ZRANB3: variants seen among roughly 807,000 people sequenced by gnomAD.
ZRANB3 encodes the protein zinc finger RANBP2-type containing 3.
ZRANB3 carries 125 observed loss-of-function variants against 133.8 expected under a neutral mutation model. The ratio of observed to expected loss-of-function variants is 0.93; its 90% CI spans 0.81 to 1.08. The LOEUF (loss-of-function observed/expected upper bound fraction) is 1.08. ZRANB3 is among the 50% of genes least tolerant of loss of function. The pLI, the probability that ZRANB3 is intolerant of heterozygous loss-of-function variation, is 0.00. For missense variants in ZRANB3, 1,229 were observed against 1,275.5 expected, an observed-to-expected ratio of 0.96 and a Z score of 0.56; for synonymous variants, 387 against 432.7, an observed-to-expected ratio of 0.89 and a Z score of 1.31.
At chr2:135,492,281 A>T (rs925146753) in intron 2 of ZRANB3, among the ~76,000 whole-genome samples, 8 of 152,248 alleles carry the variant, frequency 5.3e-5, no homozygotes, top group African/African-American at 1.9e-4. Flanking sequence ...ACAAAGTGAA[A>T]CCTAACCTTG....
intron 8 of ZRANB3, among the ~76,000 whole-genome samples, chr2:135,281,652 G>A (rs1376272154): frequency 3.3e-5 from 5 of 152,180 alleles, no homozygotes; most frequent in Admixed American, 3.3e-4. Context: ...ACAGAAGACA[G>A]AAGAACCTGG....
chr2:135,510,704 T>A (rs1693413974), intron 1 of ZRANB3: 2 of 797,068 alleles, frequency 2.5e-6, no homozygotes, highest in Non-Finnish European at 4.6e-6. Flanking sequence ...GCAGCTCGAG[T>A]CTTCTTCTCT....
chr2:135,274,266 G>A (rs774570248), intron 9 of ZRANB3, among the ~76,000 whole-genome samples: 1 of 152,242 alleles, frequency 6.6e-6, no homozygotes, highest in Non-Finnish European at 1.5e-5. Context: ...GTAGACCTAA[G>A]AAGATGCAGT....
At chr2:135,420,815 A>G (rs962134662) in intron 2 of ZRANB3, among the ~76,000 whole-genome samples, 2 of 152,158 alleles carry the variant, frequency 1.3e-5, no homozygotes, top group Non-Finnish European at 2.9e-5. Context: ...ATAGAAAAAG[A>G]TGTTTTTATG....
intron 2 of ZRANB3, among the ~76,000 whole-genome samples, chr2:135,443,477 A>G (rs1297675588): frequency 6.6e-6 from 1 of 152,100 alleles, no homozygotes; most frequent in Non-Finnish European, 1.5e-5. Flanking sequence ...GCACATATAT[A>G]CCTATGTAAC....
intron 6 of ZRANB3, among the ~76,000 whole-genome samples, chr2:135,334,179 A>G (rs1684273665): frequency 6.6e-6 from 1 of 152,200 alleles, no homozygotes; most frequent in Non-Finnish European, 1.5e-5. Flanking sequence ...AGCATGTAAG[A>G]GGCATCCTAA....
chr2:135,283,436 C>T (rs1467583149), intron 8 of ZRANB3, among the ~76,000 whole-genome samples: 1 of 151,752 alleles, frequency 6.6e-6, no homozygotes, highest in Non-Finnish European at 1.5e-5. Flanking sequence ...TGGTGAAACC[C>T]CATCTCTACT....
Position 135,228,019 on chromosome 2 carries a change from TTAAAA to T in ZRANB3, c.1955-9_1955-5del, listed in dbSNP as rs767040420. On this transcript the variant is annotated splice_polypyrimidine_tract_variant and splice_region_variant and intron_variant, in intron 13 of 20. Coordinates refer to ENST00000264159, the MANE Select transcript of ZRANB3 (RefSeq NM_032143.4). ...TTGAGGCTATCTATTTGCATAACTA[TTAAAA>T]TAAAAATTATTACAAAAATGTAATA... 6.6e-6 allele frequency: 10 copies of T among 1,512,692 alleles called. No individual in the cohort carries two copies. The highest frequency in any genetic ancestry group is 8.8e-6 in the Non-Finnish European group (10 of 1,131,226). 93.7% of individuals were successfully genotyped at this position (1,512,692 alleles called of 1,614,324 possible). A position where few individuals can be genotyped will look rare whatever the true frequency, so the allele number is the denominator to read the frequency against.
rs1680534405 is a variant in ZRANB3, at chr2:135,271,866, C to T, written c.1108G>A (p.Gly370Arg). The change falls in exon 10 of 21, where the codon GGA (glycine) becomes AGA (arginine). Residue 370 changes from glycine to arginine, a missense_variant. Transcript: ENST00000264159. ...ENKTRYIRID[G>R]SVSSSERIHL... ...ATTCTTTCTGAAGATGAAACACTTC[C>T]ATCTATCCTAATGTAACGAGTCTAG... The T allele has an allele frequency of 6.2e-7, 1 of 1,613,586 alleles. No homozygotes were observed. The highest frequency in any genetic ancestry group is 8.5e-7 in the Non-Finnish European group (1 of 1,179,756).
At chr2:135,508,383 C>T (rs1327081494) in intron 1 of ZRANB3, among the ~76,000 whole-genome samples, 1 of 152,110 alleles carries the variant, frequency 6.6e-6, no homozygotes, top group Non-Finnish European at 1.5e-5. Context: ...GTGATCTGCC[C>T]GCCTCTGCCT....
At chr2:135,425,479 G>A (rs1689024283) in intron 2 of ZRANB3, among the ~76,000 whole-genome samples, 1 of 152,142 alleles carries the variant, frequency 6.6e-6, no homozygotes, top group Admixed American at 6.5e-5. Flanking sequence ...TGAAAATATT[G>A]TGTAAGAAAA....
At chr2:135,244,408 C>G (rs1324641520) in intron 12 of ZRANB3, among the ~76,000 whole-genome samples, 1 of 152,144 alleles carries the variant, frequency 6.6e-6, no homozygotes, top group Non-Finnish European at 1.5e-5. Flanking sequence ...GAGTTCGAAA[C>G]CAGCCTGGCC....
intron 2 of ZRANB3, among the ~76,000 whole-genome samples, chr2:135,421,602 C>A (rs1688845091): frequency 6.6e-6 from 1 of 152,142 alleles, no homozygotes; most frequent in Non-Finnish European, 1.5e-5. Context: ...CCAACATATT[C>A]CACAGCTCCT....
intron 2 of ZRANB3, among the ~76,000 whole-genome samples, chr2:135,440,499 T>C (rs1205978516): frequency 6.6e-6 from 1 of 152,160 alleles, no homozygotes; most frequent in Non-Finnish European, 1.5e-5. Context: ...AAGGATGCTA[T>C]ATGCTATTGC....
chr2:135,343,223 A>G (rs1031449158), intron 6 of ZRANB3, among the ~76,000 whole-genome samples: 5 of 147,782 alleles, frequency 3.4e-5, no homozygotes, highest in African/African-American at 1.3e-4. Flanking sequence ...GGTAAATGCT[A>G]TATTTTACCT....
chr2:135,235,022 C>G (rs549854198), intron 12 of ZRANB3, among the ~76,000 whole-genome samples: 1 of 151,958 alleles, frequency 6.6e-6, no homozygotes, highest in Non-Finnish European at 1.5e-5. Flanking sequence ...AAAAGATCAA[C>G]AAAATTGATA....
chr2:135,324,269 C>T (rs577472010), intron 6 of ZRANB3, among the ~76,000 whole-genome samples: 2 of 149,436 alleles, frequency 1.3e-5, no homozygotes, highest in African/African-American at 4.9e-5. Flanking sequence ...GTGTGATGTC[C>T]CCTTTCCTGT....
At chr2:135,265,408 C>A in intron 12 of ZRANB3, 126 bp downstream of exon 12, 1 of 1,101,874 alleles carries the variant, frequency 9.1e-7, no homozygotes, top group Non-Finnish European at 1.2e-6. Context: ...AGAGGGTTTC[C>A]AGCTTTATGT....
At chr2:135,399,094 T>C (rs1687627166) in intron 2 of ZRANB3, among the ~76,000 whole-genome samples, 1 of 152,182 alleles carries the variant, frequency 6.6e-6, no homozygotes, top group African/African-American at 2.4e-5. Flanking sequence ...TTTTAAAAGA[T>C]ATTTCATTGA....
Sources: gnomAD v4.1 joint callset for allele counts (sites outside exome capture counted in the v4.1 genomes callset) on GRCh38, gnomAD v4.1.1 for gene constraint, MANE v1.5 for transcripts, NCBI Gene and HGNC (gene_info 2026-07-23, HGNC 2026-07-21) for gene names.